The following PLCB4 variants were observed in gnomAD, a reference collection of about 807,000 sequenced individuals.
The protein encoded by PLCB4 is phospholipase C beta 4, also known as 1-phosphatidylinositol 4,5-bisphosphate phosphodiesterase beta-4.
PLCB4 carries 77 observed loss-of-function variants against 178.8 expected under a neutral mutation model. The ratio of observed to expected loss-of-function variants is 0.43; its 90% CI spans 0.36 to 0.52. The LOEUF is 0.52. Ranked by LOEUF, PLCB4 falls within the 20% of genes least tolerant of loss-of-function variation. The pLI is 0.00. For missense variants in PLCB4, 1,024 were observed against 1,453.4 expected, an observed-to-expected ratio of 0.70 and a Z score of 4.80; for synonymous variants, 496 against 490.8, an observed-to-expected ratio of 1.01 and a Z score of -0.14.
chr20:9,370,773 G>C (rs553714820), intron 9 of PLCB4, among the ~76,000 whole-genome samples: 1 of 152,020 alleles, frequency 6.6e-6, no homozygotes, highest in Non-Finnish European at 1.5e-5. Flanking sequence ...GCCAGGTGTG[G>C]TGGCGTGCAC....
At chr20:9,346,268 T>C (rs1318681611) in intron 7 of PLCB4, among the ~76,000 whole-genome samples, 4 of 152,198 alleles carry the variant, frequency 2.6e-5, no homozygotes, top group African/African-American at 9.6e-5. Flanking sequence ...GCCTTCCAAG[T>C]GATTCTTATG....
At chr20:9,105,059 A>G (rs1049381097) in intron 2 of PLCB4, among the ~76,000 whole-genome samples, 1 of 152,134 alleles carries the variant, frequency 6.6e-6, no homozygotes, top group Non-Finnish European at 1.5e-5. Flanking sequence ...AAATGAGTGA[A>G]TGAAGATATG....
chr20:9,477,129 G>A (rs1369193093), intron 39 of PLCB4, among the ~76,000 whole-genome samples: 7 of 152,128 alleles, frequency 4.6e-5, no homozygotes, highest in Non-Finnish European at 5.9e-5. Flanking sequence ...TTTTTAAAGC[G>A]CTCGCTGAAA....
chr20:9,103,487 C>T (rs957403718), intron 2 of PLCB4, among the ~76,000 whole-genome samples: 5 of 152,048 alleles, frequency 3.3e-5, no homozygotes, highest in African/African-American at 1.2e-4. Flanking sequence ...ATAAAAGATA[C>T]GTGAATTCCC....
chr20:9,345,960 A>C (rs2033749980), intron 7 of PLCB4, among the ~76,000 whole-genome samples: 1 of 150,414 alleles, frequency 6.6e-6, no homozygotes, highest in Non-Finnish European at 1.5e-5. Flanking sequence ...TCTTTGTTTC[A>C]CTAAAAAAAA....
intron 2 of PLCB4, among the ~76,000 whole-genome samples, chr20:9,133,166 C>G (rs780716182): frequency 6.6e-6 from 1 of 152,170 alleles, no homozygotes; most frequent in African/African-American, 2.4e-5. Context: ...TTGATATCTT[C>G]TTACCTTTAG....
intron 3 of PLCB4, among the ~76,000 whole-genome samples, chr20:9,256,987 T>A (rs559857585): frequency 6.6e-6 from 1 of 152,330 alleles, no homozygotes; most frequent in East Asian, 1.9e-4. Flanking sequence ...TCATGGAGGA[T>A]GATTCCATCT....
At chr20:9,410,960 T>G in intron 24 of PLCB4, 77 bp from the exon 25 acceptor site, 1 of 988,874 alleles carries the variant, frequency 1.0e-6, no homozygotes, top group South Asian at 1.3e-5. Flanking sequence ...ATCTGATACC[T>G]ATTGTTTCAA....
chr20:9,353,246 T>C (rs528485726), intron 7 of PLCB4, among the ~76,000 whole-genome samples: 54 of 152,302 alleles, frequency 3.5e-4, no homozygotes, highest in African/African-American at 1.2e-3. Context: ...ACTGGACTTG[T>C]GTAGGATGGC....
At chr20:9,265,055 G>A (rs2094335414) in intron 3 of PLCB4, among the ~76,000 whole-genome samples, 1 of 152,190 alleles carries the variant, frequency 6.6e-6, no homozygotes, top group Admixed American at 6.5e-5. Context: ...TTTTGATAGA[G>A]GAGGCCCTTG....
rs2033322939 is a variant in PLCB4 at position 9,342,458 on chromosome 20, TGAG to T, written c.369+3422_369+3424del. 1.3e-5 allele frequency among the ~76,000 whole-genome samples: 2 copies of T among 152,160 alleles called. 1 individual carries two copies. Among genetic ancestry groups the T allele is most frequent in the South Asian group, 4.1e-4 (2 of 4,828 alleles). ...CAGCCCTCTTACTTAGCCCATGCAA[TGAG>T]AAGGTGCATTTTTGGTCAGTTTATC... is the stretch of plus-strand genomic sequence containing the variant. On this transcript the variant is annotated intron_variant, in intron 7 of 39. Coordinates refer to ENST00000378473, the MANE Select transcript of PLCB4 (RefSeq NM_001377142.1).
intron 2 of PLCB4, among the ~76,000 whole-genome samples, chr20:9,180,721 C>A (rs908978028): frequency 2.6e-5 from 4 of 152,138 alleles, no homozygotes; most frequent in Admixed American, 2.6e-4. Flanking sequence ...ATCACATTCA[C>A]GCCCATTTCA....
At chr20:9,300,933 C>A (rs143705593) in intron 3 of PLCB4, among the ~76,000 whole-genome samples, 3 of 152,010 alleles carry the variant, frequency 2.0e-5, no homozygotes, top group African/African-American at 7.2e-5. Flanking sequence ...CGAGGCCAGA[C>A]GTCTGACATC....
chr20:9,094,997 G>A (rs1248204030), intron 1 of PLCB4, among the ~76,000 whole-genome samples: 1 of 152,162 alleles, frequency 6.6e-6, no homozygotes, highest in African/African-American at 2.4e-5. Context: ...ATGAAGTGGT[G>A]AAGAGCAAGA....
intron 1 of PLCB4, among the ~76,000 whole-genome samples, chr20:9,070,142 C>T (rs2089492935): frequency 6.6e-6 from 1 of 151,946 alleles, no homozygotes; most frequent in Admixed American, 6.6e-5. Flanking sequence ...CAAACATAGG[C>T]AGCTATGTAT....
At chr20:9,134,722 G>A (rs891223428) in intron 2 of PLCB4, among the ~76,000 whole-genome samples, 2 of 152,022 alleles carry the variant, frequency 1.3e-5, no homozygotes, top group Non-Finnish European at 2.9e-5. Flanking sequence ...TACTTTTTAT[G>A]TTTTTTATTT....
At chr20:9,332,445 G>T (rs2031819261) in intron 4 of PLCB4, among the ~76,000 whole-genome samples, 1 of 151,646 alleles carries the variant, frequency 6.6e-6, no homozygotes, top group African/African-American at 2.4e-5. Flanking sequence ...GTTCCTTTCA[G>T]CTGATTACCT....
chr20:9,457,544 T>C, intron 34 of PLCB4, 55 bp downstream of exon 34: 1 of 855,452 alleles, frequency 1.2e-6, no homozygotes, highest in East Asian at 2.4e-5. Context: ...TTTGTAATTT[T>C]TTAGAAGGAG....
intron 2 of PLCB4, among the ~76,000 whole-genome samples, chr20:9,147,984 G>C (rs1270373612): frequency 6.6e-6 from 1 of 152,152 alleles, no homozygotes; most frequent in Admixed American, 6.6e-5. Context: ...CCACAGGACT[G>C]TACTTTTGAT....
Sources: gnomAD v4.1 joint callset for allele counts (sites outside exome capture counted in the v4.1 genomes callset) on GRCh38, gnomAD v4.1.1 for gene constraint, MANE v1.5 for transcripts, NCBI Gene and HGNC (gene_info 2026-07-23, HGNC 2026-07-21) for gene names.